PPT2: variants seen among roughly 807,000 people sequenced by gnomAD.
The protein encoded by PPT2 is palmitoyl-protein thioesterase 2, also known as lysosomal thioesterase PPT2.
A neutral mutation model predicts 37.3 loss-of-function variants in PPT2; 20 were observed. That is an observed-to-expected ratio of 0.54 (90% confidence interval 0.38 to 0.78). PPT2 has a LOEUF of 0.78. Ranked by LOEUF, PPT2 falls within the 30% of genes least tolerant of loss-of-function variation. The pLI is 0.00. For synonymous variants in PPT2, 135 were observed against 159.1 expected (o/e 0.85, Z 1.14); for missense variants, 270 against 389.8 (o/e 0.69, Z 2.59).
chr6:32,155,179 G>T lies in PPT2; in HGVS notation c.333G>T (p.Ser111=), dbSNP rs757613513. The T allele has an allele frequency of 3.1e-6, 5 of 1,612,902 alleles. No individual in the cohort carries two copies. The highest frequency in any genetic ancestry group is 4.2e-6 in the Non-Finnish European group (5 of 1,179,962). Residue 111 remains serine, a synonymous_variant, in exon 3 of 9, where the codon TCG becomes TCT. Transcript: ENST00000324816. This position sits in a 1 kb window ranked among gnomAD's most constrained non-coding sequence, Gnocchi z 4.3. ...AAGGGGTGCATCTCATCTGCTACTC[G>T]CAGGGTAGGCGACTCCCCTGCCCCT... The part of the protein sequence containing the change: ...APQGVHLICY[S]QGGLVCRALL...
chr6:32,153,834 C>A, upstream of PPT2: 1 of 1,038,196 alleles, frequency 9.6e-7, no homozygotes, highest in Non-Finnish European at 1.4e-6. This position sits in a 1 kb window ranked among gnomAD's most constrained non-coding sequence, Gnocchi z 4.4. Flanking sequence ...CGGAGCCAGA[C>A]GCCTGTATTG....
Position 32,155,209 on chromosome 6 carries a change from C to T in PPT2, c.337+26C>T. ...GTAGGCGACTCCCCTGCCCCTAACT[C>T]CTAAGCCCTATCTGAGGCTTGATCC... is the stretch of plus-strand genomic sequence containing the variant. On this transcript the variant is annotated intron_variant, in intron 3 of 8. Transcript: ENST00000324816. This position sits in a 1 kb window ranked among gnomAD's most constrained non-coding sequence, Gnocchi z 4.3. 1 of 1,611,992 alleles carries T rather than the reference C, an allele frequency of 6.2e-7. No homozygotes were observed. The highest frequency in any genetic ancestry group is 2.2e-5 in the East Asian group (1 of 44,866).
Position 32,155,576 on chromosome 6 carries a change from GTGTGTCTC to G in PPT2, c.338-106_338-99del. On this transcript the variant is annotated intron_variant, in intron 3 of 8. Coordinates refer to ENST00000324816, the MANE Select transcript of PPT2 (RefSeq NM_005155.7). The surrounding 1 kb of genome is among the most constrained non-coding windows in gnomAD (Gnocchi z 4.3). Reference sequence around the variant, plus strand: ...TCCTTTGTGTACAGTGTGTGTCTGTGTGTGTCTCTGTGTGTGTGTGTGTGTGTGTGTGT... The same window carrying G: ...TCCTTTGTGTACAGTGTGTGTCTGTGTGTGTGTGTGTGTGTGTGTGTGTGT... The G allele has an allele frequency of 1.2e-6, 1 of 854,164 alleles. No homozygotes were observed. The highest frequency in any genetic ancestry group is 1.9e-6 in the Non-Finnish European group (1 of 524,112). The allele number at this position is 854,164 out of a possible 1,614,324, so 52.9% of individuals were successfully genotyped here.
At chr6:32,161,927 A>AGGCCG (rs1369553999) in intron 7 of PPT2, among the ~76,000 whole-genome samples, 2 of 152,096 alleles carry the variant, frequency 1.3e-5, no homozygotes, top group African/African-American at 2.4e-5. Context: ...CACGTTGGCC[A>AGGCCG]GGCTGGTCTT....
At chr6:32,160,296 CG>C (rs1203166793) in intron 7 of PPT2, among the ~76,000 whole-genome samples, 3 of 151,760 alleles carry the variant, frequency 2.0e-5, no homozygotes, top group Non-Finnish European at 2.9e-5. Flanking sequence ...CCACCCGCCT[CG>C]GCCTCCCAAA....
chr6:32,157,521 C>A (rs1783874865), intron 5 of PPT2, 116 bp from the exon 6 acceptor site: 3 of 881,872 alleles, frequency 3.4e-6, no homozygotes, highest in Non-Finnish European at 3.7e-6. Context: ...CCTACATTAT[C>A]ACTACTATTT....
In PPT2 at chr6:32,162,999, G is replaced by A. The variant is rs756032285; in HGVS notation, c.*49G>A. The A allele has an allele frequency of 1.4e-5, 22 of 1,552,616 alleles. No homozygotes were observed. Among genetic ancestry groups the A allele is most frequent in the Non-Finnish European group, 1.9e-5 (22 of 1,143,456 alleles). On this transcript the variant is annotated 3_prime_UTR_variant, in exon 9 of 9. Transcript: ENST00000324816. The surrounding 1 kb of genome is among the most constrained non-coding windows in gnomAD (Gnocchi z 5.5). ...AACTCCTCGGTCCAGAGACCAAGTG[G>A]TGGCCTTGGAAAGCAGATGTCAGGC...
chr6:32,161,541 G>T (rs928057614), intron 7 of PPT2, among the ~76,000 whole-genome samples: 1 of 149,724 alleles, frequency 6.7e-6, no homozygotes, highest in African/African-American at 2.5e-5. Flanking sequence ...CACCCTCCTT[G>T]GTCTCCCAAA....
rs1783821755 is a variant in PPT2 at position 32,156,596 on chromosome 6, C to T, written c.541+618C>T. On this transcript the variant is annotated intron_variant, in intron 5 of 8. Transcript: ENST00000324816. This position sits in a 1 kb window ranked among gnomAD's most constrained non-coding sequence, Gnocchi z 4.9. ...CATGTACCATATGTGAATGAATGTG[C>T]CTGTGTTCCAGTAAAACTTCATTTA... Among the ~76,000 whole-genome samples, 1 of 152,098 alleles carries T rather than the reference C, an allele frequency of 6.6e-6. No individual in the cohort carries two copies. Among genetic ancestry groups the T allele is most frequent in the South Asian group, 2.1e-4 (1 of 4,828 alleles).
At position 32,162,524 on chromosome 6, in the gene PPT2, T is replaced by TTTCTCCAGCTC. The variant is rs781664349; in HGVS notation, c.711-39_711-29dup. ...CGTGTGCCACTGCGCCCGGCCAGATTTTCTCCAGCTCTTCTGATAACCTCC... is the reference window on the plus strand; with the variant it reads ...CGTGTGCCACTGCGCCCGGCCAGATTTTCTCCAGCTCTTCTCCAGCTCTTCTGATAACCTCC... On this transcript the variant is annotated intron_variant, in intron 7 of 8. Coordinates refer to ENST00000324816, the MANE Select transcript of PPT2 (RefSeq NM_005155.7). This position sits in a 1 kb window ranked among gnomAD's most constrained non-coding sequence, Gnocchi z 5.5. 8.1e-5 allele frequency: 127 copies of TTTCTCCAGCTC among 1,561,874 alleles called. No individual in the cohort carries two copies. Among genetic ancestry groups the TTTCTCCAGCTC allele is most frequent in the Admixed American group, 1.2e-4 (7 of 59,940 alleles).
upstream of PPT2, chr6:32,153,729 C>T: frequency 9.0e-6 from 13 of 1,448,678 alleles, no homozygotes; most frequent in South Asian, 1.1e-4. This position sits in a 1 kb window ranked among gnomAD's most constrained non-coding sequence, Gnocchi z 4.4. Flanking sequence ...GGCCACCCTG[C>T]CACTCACCCA....
chr6:32,156,354 C>T lies in PPT2; in HGVS notation c.541+376C>T, dbSNP rs1208180888. 6.6e-6 allele frequency among the ~76,000 whole-genome samples: 1 copy of T among 152,158 alleles called. No homozygotes were observed. Among genetic ancestry groups the T allele is most frequent in the Non-Finnish European group, 1.5e-5 (1 of 68,028 alleles). ...CTCCTGACCTCAGGTGATCCACTCG[C>T]CTCGGCCTCCCAAAGTGCTGGGATT... is the stretch of plus-strand genomic sequence containing the variant. On this transcript the variant is annotated intron_variant, in intron 5 of 8. Coordinates refer to ENST00000324816, the MANE Select transcript of PPT2 (RefSeq NM_005155.7). The surrounding 1 kb of genome is among the most constrained non-coding windows in gnomAD (Gnocchi z 4.9).
At position 32,162,374 on chromosome 6, in the gene PPT2, C is replaced by T. The variant is rs1784219236; in HGVS notation, c.711-194C>T. Among the ~76,000 whole-genome samples, 1 of 152,074 alleles carries T rather than the reference C, an allele frequency of 6.6e-6. No homozygotes were observed. The highest frequency in any genetic ancestry group is 1.5e-5 in the Non-Finnish European group (1 of 68,018). On this transcript the variant is annotated intron_variant, in intron 7 of 8. Transcript: ENST00000324816. This position sits in a 1 kb window ranked among gnomAD's most constrained non-coding sequence, Gnocchi z 5.5. ...AGCTGGGCTTGCAGGCATCTGCCACCATGCCCAGCTAATTTTTGTATTTTT... is the reference window on the plus strand; with the variant it reads ...AGCTGGGCTTGCAGGCATCTGCCACTATGCCCAGCTAATTTTTGTATTTTT...
At position 32,162,645 on chromosome 6, in the gene PPT2, C is replaced by T; in HGVS notation, c.765+23C>T. 1 of 1,592,100 alleles carries T rather than the reference C, an allele frequency of 6.3e-7. No homozygotes were observed. Among genetic ancestry groups the T allele is most frequent in the Non-Finnish European group, 8.6e-7 (1 of 1,160,016 alleles). ...CTGGTGAGCCCCCTGGGATTACTTC[C>T]CCTTCTAGCCGCTGTCCCACCTTAT... On this transcript the variant is annotated intron_variant, in intron 8 of 8. Coordinates refer to ENST00000324816, the MANE Select transcript of PPT2 (RefSeq NM_005155.7). This position sits in a 1 kb window ranked among gnomAD's most constrained non-coding sequence, Gnocchi z 5.5.
Position 32,162,283 on chromosome 6 carries a change from G to A in PPT2, c.711-285G>A, listed in dbSNP as rs1462666145. Among the ~76,000 whole-genome samples the A allele has an allele frequency of 2.0e-5, 3 of 151,966 alleles. No individual in the cohort carries two copies. Among genetic ancestry groups the A allele is most frequent in the African/African-American group, 7.3e-5 (3 of 41,358 alleles). The stretch of plus-strand genomic sequence containing the variant: ...CACCCAGGCTGAAGTGCAGTGGTGC[G>A]ATCTCGACTCAATGCAACCTCCACC... On this transcript the variant is annotated intron_variant, in intron 7 of 8. Coordinates refer to ENST00000324816, the MANE Select transcript of PPT2 (RefSeq NM_005155.7). This position sits in a 1 kb window ranked among gnomAD's most constrained non-coding sequence, Gnocchi z 5.5.
Position 32,159,963 on chromosome 6 carries a change from G to A in PPT2, c.710+2039G>A, listed in dbSNP as rs550327906. On this transcript the variant is annotated intron_variant, in intron 7 of 8. Coordinates refer to ENST00000324816, the MANE Select transcript of PPT2 (RefSeq NM_005155.7). ...TCTCGATCTCCTGACCTTGTGATCC[G>A]CCTGCTTCGGCCTCCCAAAGTGTTG... 4.6e-4 allele frequency among the ~76,000 whole-genome samples: 69 copies of A among 148,388 alleles called. 1 individual carries two copies. Among genetic ancestry groups the A allele is most frequent in the Admixed American group, 3.9e-3 (58 of 14,886 alleles).
chr6:32,157,944 C>T lies in PPT2; in HGVS notation c.710+20C>T. The T allele has an allele frequency of 5.7e-6, 9 of 1,587,392 alleles. No homozygotes were observed. Among genetic ancestry groups the T allele is most frequent in the Non-Finnish European group, 6.0e-6 (7 of 1,158,550 alleles). On this transcript the variant is annotated intron_variant, in intron 7 of 8. Transcript: ENST00000324816. ...GTCCAGGTAATAAGGGATTTTGTGG[C>T]CTGAAGATTGGCTAAAGACATCCCC...
At position 32,155,611 on chromosome 6, in the gene PPT2, T is replaced by C. The variant is rs1783730571; in HGVS notation, c.338-77T>C. The C allele has an allele frequency of 1.1e-6, 1 of 887,294 alleles. No individual in the cohort carries two copies. Among genetic ancestry groups the C allele is most frequent in the Admixed American group, 1.8e-5 (1 of 56,184 alleles). The allele number at this position is 887,294 out of a possible 1,614,324, so 55.0% of individuals were successfully genotyped here. ...GTGTGTGTGTGTGTGTGTGTGTGTG[T>C]GTGTGTGGTGGGGGTGGGGGGTGCT... On this transcript the variant is annotated intron_variant, in intron 3 of 8. Coordinates refer to ENST00000324816, the MANE Select transcript of PPT2 (RefSeq NM_005155.7). This position sits in a 1 kb window ranked among gnomAD's most constrained non-coding sequence, Gnocchi z 4.3.
chr6:32,163,420 C>CCT lies in PPT2; in HGVS notation c.*471_*472dup, dbSNP rs372314155. On this transcript the variant is annotated 3_prime_UTR_variant, in exon 9 of 9. Transcript: ENST00000324816. ...TCCCCTGACATCAGCCCTCCCAACT[C>CCT]CTAAGAGGGACTACCCATGAGAGTG... 405 of 168,898 alleles carry CCT rather than the reference C, an allele frequency of 2.4e-3. 2 individuals carry two copies. The highest frequency in any genetic ancestry group is 9.2e-3 in the African/African-American group (386 of 41,862). 10.5% of individuals were successfully genotyped at this position (168,898 alleles called of 1,614,324 possible). A position where few individuals can be genotyped will look rare whatever the true frequency, so the allele number is the denominator to read the frequency against.
Sources: gnomAD v4.1 joint callset for allele counts (sites outside exome capture counted in the v4.1 genomes callset) on GRCh38, gnomAD v4.1.1 for gene constraint, Gnocchi (gnomAD v3.1) non-coding constraint, MANE v1.5 for transcripts, NCBI Gene and HGNC (gene_info 2026-07-23, HGNC 2026-07-21) for gene names.